RBFOX1: variants seen among roughly 807,000 people sequenced by gnomAD.
RBFOX1 encodes the protein RNA binding fox-1 homolog 1.
In RBFOX1, 8 loss-of-function variants were observed where a neutral mutation model predicts 57.7. That is an observed-to-expected ratio of 0.14 (90% CI 0.08 to 0.25). The LOEUF (loss-of-function observed/expected upper bound fraction) is 0.25. RBFOX1 is among the 10% of genes least tolerant of loss of function. RBFOX1 has a pLI of 1.00. For synonymous variants in RBFOX1, 326 were observed against 222.4 expected (o/e 1.47, Z -4.15); for missense variants, 611 against 548.5 (o/e 1.11, Z -1.14).
chr16:6,983,593 A>G (rs1599121460), intron 3 of RBFOX1: 1 of 152,174 alleles, frequency 6.6e-6, no homozygotes, highest in Admixed American at 6.5e-5. Context: ...TCATAAAAGC[A>G]TTGGCAACAT....
intron 3 of RBFOX1, among the ~76,000 whole-genome samples, chr16:5,657,676 T>TTTTC (rs199946037): frequency 0.073 from 4,692 of 64,662 alleles, 123 homozygotes; most frequent in Non-Finnish European, 0.096. Flanking sequence ...CTTTCTTTTC[T>TTTTC]TTTCTTTCTT....
At chr16:6,870,376 A>G (rs1339832938) in intron 3 of RBFOX1, among the ~76,000 whole-genome samples, 1 of 152,184 alleles carries the variant, frequency 6.6e-6, no homozygotes, top group African/African-American at 2.4e-5. Context: ...GGATTTTCAC[A>G]TATCTCATTT....
chr16:5,455,153 T>A (rs1307616126), intron 1 of RBFOX1, among the ~76,000 whole-genome samples: 1 of 151,670 alleles, frequency 6.6e-6, no homozygotes, highest in Non-Finnish European at 1.5e-5. Flanking sequence ...TCAGAATGAC[T>A]TGACTCTACT....
intron 3 of RBFOX1, among the ~76,000 whole-genome samples, chr16:5,830,361 C>T (rs907427150): frequency 6.6e-6 from 1 of 152,034 alleles, no homozygotes; most frequent in Admixed American, 6.6e-5. Context: ...CATTAAATTT[C>T]CAATCATTTT....
intron 4 of RBFOX1, among the ~76,000 whole-genome samples, chr16:7,154,261 G>T (rs2076659713): frequency 6.6e-6 from 1 of 152,206 alleles, no homozygotes; most frequent in Non-Finnish European, 1.5e-5. Context: ...AGACATGGCA[G>T]AGATACTTAG....
At chr16:6,492,847 G>T (rs556180474) in intron 2 of RBFOX1, among the ~76,000 whole-genome samples, 1 of 152,276 alleles carries the variant, frequency 6.6e-6, no homozygotes, top group South Asian at 2.1e-4. Context: ...AAATCTGTTT[G>T]AAAAACTTTG....
intron 3 of RBFOX1, among the ~76,000 whole-genome samples, chr16:5,834,831 C>T (rs541728029): frequency 6.6e-6 from 1 of 151,990 alleles, no homozygotes; most frequent in South Asian, 2.1e-4. Context: ...GACAGACAGA[C>T]AGACAGATTT....
intron 4 of RBFOX1, among the ~76,000 whole-genome samples, chr16:5,920,498 C>T (rs577800764): frequency 6.6e-6 from 1 of 152,076 alleles, no homozygotes; most frequent in South Asian, 2.1e-4. Context: ...TATGGCAATT[C>T]GTTAACTTAT....
At chr16:5,531,111 G>A (rs1035750659) in intron 2 of RBFOX1, among the ~76,000 whole-genome samples, 1 of 151,418 alleles carries the variant, frequency 6.6e-6, no homozygotes, top group Non-Finnish European at 1.5e-5. Flanking sequence ...GGTGAGAAGA[G>A]CAAGACTCTA....
intron 3 of RBFOX1, among the ~76,000 whole-genome samples, chr16:6,945,822 C>T (rs1449525841): frequency 2.0e-5 from 3 of 152,172 alleles, no homozygotes; most frequent in Non-Finnish European, 4.4e-5. Flanking sequence ...ACCCAGGAGG[C>T]GGAGGTTGCA....
intron 3 of RBFOX1, among the ~76,000 whole-genome samples, chr16:6,858,363 A>C (rs970228059): frequency 2.0e-5 from 3 of 152,182 alleles, no homozygotes; most frequent in African/African-American, 7.2e-5. Context: ...AGCAGAGCAG[A>C]TTCGTGATAC....
intron 1 of RBFOX1, among the ~76,000 whole-genome samples, chr16:6,203,259 C>T (rs879796705): frequency 9.9e-5 from 15 of 152,160 alleles, no homozygotes; most frequent in Non-Finnish European, 1.5e-4. Context: ...CTTCCCCCTT[C>T]TCCAACCCAT....
chr16:7,238,877 G>T (rs180965784), intron 4 of RBFOX1, among the ~76,000 whole-genome samples: 1 of 152,086 alleles, frequency 6.6e-6, no homozygotes, highest in Non-Finnish European at 1.5e-5. Flanking sequence ...CCACTTATAC[G>T]TGAGAACATG....
chr16:7,367,306 C>T (rs1269634814), intron 4 of RBFOX1, among the ~76,000 whole-genome samples: 2 of 152,150 alleles, frequency 1.3e-5, no homozygotes, highest in Non-Finnish European at 2.9e-5. Context: ...TTGTAGTCAT[C>T]ATCATGTTGG....
chr16:5,728,274 G>A (rs906994994), intron 3 of RBFOX1, among the ~76,000 whole-genome samples: 4 of 151,804 alleles, frequency 2.6e-5, no homozygotes, highest in African/African-American at 4.8e-5. Flanking sequence ...ATACTATTTA[G>A]CCTATAAAAA....
At chr16:7,476,805 G>C (rs897190390) in intron 4 of RBFOX1, among the ~76,000 whole-genome samples, 1 of 152,188 alleles carries the variant, frequency 6.6e-6, no homozygotes, top group Non-Finnish European at 1.5e-5. Flanking sequence ...TCCCTGCAAA[G>C]ATGTATGAGG....
intron 3 of RBFOX1, among the ~76,000 whole-genome samples, chr16:6,967,016 G>A (rs1005524367): frequency 3.9e-5 from 6 of 151,934 alleles, no homozygotes; most frequent in African/African-American, 1.2e-4. Flanking sequence ...ATTTCTGTAT[G>A]TACCTATCTA....
intron 2 of RBFOX1, chr16:6,483,266 G>C: frequency 1.5e-6 from 2 of 1,318,348 alleles, no homozygotes; most frequent in Non-Finnish European, 9.6e-7. Flanking sequence ...GCGCGCCCGG[G>C]TGTTGATTGC....
In RBFOX1 at chr16:6,137,343, C is replaced by T. The variant is rs926579343; in HGVS notation, c.-127+117351C>T. On this transcript the variant is annotated intron_variant, in intron 1 of 15. Coordinates refer to ENST00000550418, the MANE Select transcript of RBFOX1 (RefSeq NM_018723.4). ...TTTTGAGATGGAGTTTTGCTCTTAT[C>T]GCCCAGGGTGGAGTGTAGTGGCGTG... is the stretch of plus-strand genomic sequence containing the variant. Among the ~76,000 whole-genome samples the T allele has an allele frequency of 3.9e-5, 6 of 152,166 alleles. 1 individual carries two copies. The South Asian group carries it at 6.2e-4, about 16-fold the overall frequency.
Sources: allele counts gnomAD v4.1 joint callset (sites outside exome capture counted in the v4.1 genomes callset), GRCh38; gene constraint gnomAD v4.1.1; transcripts MANE v1.5; gene names NCBI Gene and HGNC (gene_info 2026-07-23, HGNC 2026-07-21).